MICU2: variants seen among roughly 807,000 people sequenced by gnomAD.
MICU2 encodes mitochondrial calcium uptake 2, also known as calcium uptake protein 2, mitochondrial.
In MICU2, 64 loss-of-function variants were observed where a neutral mutation model predicts 60.4. The observed-to-expected ratio is 1.06, with a 90% CI of 0.87 to 1.31. MICU2 has a LOEUF of 1.31. Among genes scored for constraint, MICU2 ranks in the 50% most tolerant of loss-of-function variants. The pLI is 0.00. For missense variants in MICU2, 569 were observed against 531.0 expected, an observed-to-expected ratio of 1.07 and a Z score of -0.70; for synonymous variants, 201 against 175.0, an observed-to-expected ratio of 1.15 and a Z score of -1.17.
rs1040609117 is a variant in MICU2 at position 21,588,908 on chromosome 13, T to C, written c.210+15031A>G. On this transcript the variant is annotated intron_variant, in intron 1 of 11. Transcript: ENST00000382374. ...TGCAGGATTTAAGTCAATATTTTGA[T>C]AGGTAACAATAAAAATGTAGATTAG... 3.9e-5 allele frequency among the ~76,000 whole-genome samples: 6 copies of C among 152,216 alleles called. No homozygotes were observed. In the East Asian group the frequency reaches 5.8e-4, roughly 15 times the overall value.
intron 2 of MICU2, among the ~76,000 whole-genome samples, chr13:21,549,301 T>C (rs1050016837): frequency 6.6e-6 from 1 of 152,102 alleles, no homozygotes; most frequent in Non-Finnish European, 1.5e-5. Context: ...AATTCTATTA[T>C]CACATTAGAT....
chr13:21,533,075 T>C (rs182900029), intron 4 of MICU2, among the ~76,000 whole-genome samples: 51 of 152,184 alleles, frequency 3.4e-4, no homozygotes, highest in Admixed American at 1.3e-3. Context: ...TTGTACAGAA[T>C]AGATCTATAA....
intron 1 of MICU2, among the ~76,000 whole-genome samples, chr13:21,598,494 T>A (rs925160769): frequency 6.6e-6 from 1 of 152,122 alleles, no homozygotes; most frequent in Non-Finnish European, 1.5e-5. Context: ...GGCGGACGGA[T>A]CACCTGAGGT....
At chr13:21,497,404 G>T (rs184373604) in intron 9 of MICU2, among the ~76,000 whole-genome samples, 7 of 151,888 alleles carry the variant, frequency 4.6e-5, no homozygotes, top group African/African-American at 1.7e-4. Context: ...AGAAAACTCA[G>T]TTTTTTCCAT....
intron 2 of MICU2, among the ~76,000 whole-genome samples, chr13:21,546,468 A>C (rs1306652688): frequency 6.6e-6 from 1 of 152,170 alleles, no homozygotes; most frequent in Non-Finnish European, 1.5e-5. Context: ...TGAGCTGCTT[A>C]AGCTAAGATC....
chr13:21,582,353 T>A (rs1888365855), intron 1 of MICU2, among the ~76,000 whole-genome samples: 1 of 152,212 alleles, frequency 6.6e-6, no homozygotes, highest in African/African-American at 2.4e-5. Context: ...AGAGGATGGT[T>A]TTTTACAAGT....
In MICU2 at chr13:21,561,005, T is replaced by C. The variant is rs61952261; in HGVS notation, c.358+5792A>G. Among the ~76,000 whole-genome samples the C allele has an allele frequency of 5.7e-3, 861 of 152,334 alleles. 2 individuals carry two copies. The highest frequency in any genetic ancestry group is 7.5e-3 in the Non-Finnish European group (510 of 68,024). On this transcript the variant is annotated intron_variant, in intron 2 of 11. Transcript: ENST00000382374. Reference sequence around the variant, plus strand: ...TCTGAAGATGCCAGCTTCACTTTCATTGGTTGAAAATATTTTAAAATTTCT... The same window carrying C: ...TCTGAAGATGCCAGCTTCACTTTCACTGGTTGAAAATATTTTAAAATTTCT...
intron 1 of MICU2, among the ~76,000 whole-genome samples, chr13:21,567,375 G>A (rs1272900839): frequency 1.3e-5 from 2 of 152,108 alleles, no homozygotes; most frequent in East Asian, 1.9e-4. Context: ...TTCTAAGCAA[G>A]CACAAAGTCC....
At chr13:21,540,864 C>T (rs73443851) in intron 2 of MICU2, among the ~76,000 whole-genome samples, 3,817 of 152,032 alleles carry the variant, frequency 0.025, 158 homozygotes, top group African/African-American at 0.088. Flanking sequence ...GTATATAATA[C>T]GTAGTCATAT....
chr13:21,525,357 T>A (rs1285872994), intron 4 of MICU2, among the ~76,000 whole-genome samples: 2 of 151,682 alleles, frequency 1.3e-5, no homozygotes, highest in African/African-American at 4.8e-5. Context: ...CACGCCCGGT[T>A]AATTTTTTGT....
intron 1 of MICU2, among the ~76,000 whole-genome samples, chr13:21,573,299 A>G (rs1888154489): frequency 6.6e-6 from 1 of 151,168 alleles, no homozygotes; most frequent in Non-Finnish European, 1.5e-5. Flanking sequence ...TTTGAGACGG[A>G]GTCTCACTCT....
intron 2 of MICU2, 115 bp from the exon 3 acceptor site, chr13:21,539,803 AGCAAAG>A: frequency 1.0e-6 from 1 of 964,694 alleles, no homozygotes; most frequent in Non-Finnish European, 1.5e-6. Context: ...TTATTTAAAA[AGCAAAG>A]GCTTGTAATT....
intron 9 of MICU2, 103 bp downstream of exon 9, chr13:21,502,823 T>C (rs1886209212): frequency 9.2e-7 from 1 of 1,089,846 alleles, no homozygotes; most frequent in African/African-American, 1.6e-5. Context: ...TTATATACCA[T>C]CGAGGGTAGC....
intron 4 of MICU2, chr13:21,531,372 G>C: frequency 8.2e-7 from 1 of 1,217,740 alleles, no homozygotes; most frequent in Non-Finnish European, 1.2e-6. Context: ...TTTTATTAAG[G>C]GACCCTGCAG....
At chr13:21,568,051 GAC>G (rs1429807073) in intron 1 of MICU2, among the ~76,000 whole-genome samples, 4 of 152,174 alleles carry the variant, frequency 2.6e-5, no homozygotes, top group African/African-American at 7.2e-5. Context: ...GCTTTCCTGA[GAC>G]ACTGCTCTAA....
chr13:21,503,238 T>TG, intron 8 of MICU2, 141 bp from the exon 9 acceptor site: 1 of 624,130 alleles, frequency 1.6e-6, no homozygotes, highest in Non-Finnish European at 2.7e-6. Context: ...ATTAGTGCTG[T>TG]GCAAGGATTG....
intron 1 of MICU2, among the ~76,000 whole-genome samples, chr13:21,581,166 G>A (rs946315028): frequency 2.0e-5 from 3 of 152,222 alleles, no homozygotes; most frequent in Non-Finnish European, 4.4e-5. Context: ...AGACAAGGAT[G>A]TAACCTGAAA....
intron 1 of MICU2, among the ~76,000 whole-genome samples, chr13:21,574,592 GTTCT>G (rs1888182544): frequency 6.6e-6 from 1 of 152,176 alleles, no homozygotes; most frequent in Non-Finnish European, 1.5e-5. Flanking sequence ...TTAGTTCTCT[GTTCT>G]TTGTTTAACA....
intron 2 of MICU2, among the ~76,000 whole-genome samples, chr13:21,546,174 CTGGTTGT>C (rs1887413254): frequency 6.6e-6 from 1 of 152,000 alleles, no homozygotes; most frequent in African/African-American, 2.4e-5. Flanking sequence ...AAGGTAGTCT[CTGGTTGT>C]ATTTTTTCTA....
Sources: allele counts gnomAD v4.1 joint callset (sites outside exome capture counted in the v4.1 genomes callset), GRCh38; gene constraint gnomAD v4.1.1; transcripts MANE v1.5; gene names NCBI Gene and HGNC (gene_info 2026-07-23, HGNC 2026-07-21).